SLC39A11: variants seen among roughly 807,000 people sequenced by gnomAD.
SLC39A11 encodes the protein solute carrier family 39 member 11, also known as zinc transporter ZIP11.
SLC39A11 carries 33 observed loss-of-function variants against 36.1 expected under a neutral mutation model. The ratio of observed to expected loss-of-function variants is 0.91; its 90% CI spans 0.69 to 1.22. The LOEUF (loss-of-function observed/expected upper bound fraction) is 1.22, where lower values mean the gene tolerates loss of function less well. SLC39A11 is among the 50% of genes most tolerant of loss of function. SLC39A11 has a pLI of 0.00. For synonymous variants in SLC39A11, 166 were observed against 170.3 expected, an observed-to-expected ratio of 0.97 and a Z score of 0.20; for missense variants, 432 against 430.3, an observed-to-expected ratio of 1.00 and a Z score of -0.03.
intron 7 of SLC39A11, among the ~76,000 whole-genome samples, chr17:72,657,550 G>T (rs1271117703): frequency 6.6e-6 from 1 of 152,158 alleles, no homozygotes; most frequent in African/African-American, 2.4e-5. Flanking sequence ...TAAGAGGTCA[G>T]AATTCCCTGA....
At chr17:72,843,064 C>T (rs766100262) in intron 6 of SLC39A11, among the ~76,000 whole-genome samples, 2 of 152,182 alleles carry the variant, frequency 1.3e-5, no homozygotes, top group Admixed American at 6.5e-5. Context: ...ATCCTCCTGC[C>T]TCAGCCTCCC....
chr17:72,886,316 T>C (rs766948783), intron 5 of SLC39A11, among the ~76,000 whole-genome samples: 1 of 152,230 alleles, frequency 6.6e-6, no homozygotes, highest in East Asian at 1.9e-4. Context: ...ATCTGCCTAC[T>C]TGACGTTACC....
chr17:73,003,315 A>G (rs1381683511), intron 4 of SLC39A11, among the ~76,000 whole-genome samples: 9 of 152,238 alleles, frequency 5.9e-5, no homozygotes. Context: ...TACAACAGAA[A>G]TTGAGTTGTG....
intron 4 of SLC39A11, among the ~76,000 whole-genome samples, chr17:72,984,473 A>G (rs2088568360): frequency 6.6e-6 from 1 of 152,222 alleles, no homozygotes; most frequent in Non-Finnish European, 1.5e-5. Context: ...GCCCAGGCAC[A>G]CTGAATCCAC....
intron 6 of SLC39A11, among the ~76,000 whole-genome samples, chr17:72,811,985 A>G (rs1160750019): frequency 6.6e-6 from 1 of 152,236 alleles, no homozygotes; most frequent in Non-Finnish European, 1.5e-5. Context: ...CATCCACAAT[A>G]AAAAATCCTA....
chr17:73,086,204 C>A lies in SLC39A11; in HGVS notation c.109-1358G>T, dbSNP rs150110631. Among the ~76,000 whole-genome samples, 1,164 of 152,222 alleles carry A rather than the reference C, an allele frequency of 7.6e-3. 13 individuals are homozygous for A. Among genetic ancestry groups the A allele is most frequent in the African/African-American group, 0.025 (1,052 of 41,532 alleles). ...AGCTGGTACTGTTTTGTTTCTTGAT[C>A]TGGGCTCTAGTTTCATGAGCACTTG... On this transcript the variant is annotated intron_variant, in intron 2 of 9. Coordinates refer to ENST00000255559, the MANE Select transcript of SLC39A11 (RefSeq NM_139177.4).
rs772918818 is a variant in SLC39A11 at position 72,736,746 on chromosome 17, G to A, written c.602-27C>T. 6 of 1,583,858 alleles carry A rather than the reference G, an allele frequency of 3.8e-6. No homozygotes were observed. The South Asian group carries it at 6.6e-5, about 18-fold the overall frequency. ...TGAAATAGATGTAAGAAAAGCAAGA[G>A]GGGTTAGGAATATTTCCCCATAAGG... On this transcript the variant is annotated intron_variant, in intron 6 of 9. Coordinates refer to ENST00000255559, the MANE Select transcript of SLC39A11 (RefSeq NM_139177.4).
chr17:72,887,184 C>T (rs913732147), intron 5 of SLC39A11, among the ~76,000 whole-genome samples: 1 of 152,198 alleles, frequency 6.6e-6, no homozygotes, highest in Non-Finnish European at 1.5e-5. Context: ...ACGAATCACA[C>T]ACCCATCAGA....
At chr17:73,083,503 C>G (rs554457095) in intron 3 of SLC39A11, among the ~76,000 whole-genome samples, 1 of 152,262 alleles carries the variant, frequency 6.6e-6, no homozygotes, top group East Asian at 1.9e-4. Context: ...ATATTACACG[C>G]CTTTTGATAT....
intron 5 of SLC39A11, among the ~76,000 whole-genome samples, chr17:72,946,080 G>A (rs1598525494): frequency 6.6e-6 from 1 of 152,308 alleles, no homozygotes; most frequent in African/African-American, 2.4e-5. Context: ...AAGGCCTGTG[G>A]CCTTGTGTTC....
chr17:72,798,232 C>A (rs145659371), intron 6 of SLC39A11, among the ~76,000 whole-genome samples: 1 of 152,000 alleles, frequency 6.6e-6, no homozygotes, highest in African/African-American at 2.4e-5. Context: ...GTACCACAGA[C>A]GGAGGGGCTT....
At chr17:72,800,470 C>G (rs1043804505) in intron 6 of SLC39A11, among the ~76,000 whole-genome samples, 3 of 151,982 alleles carry the variant, frequency 2.0e-5, no homozygotes, top group Non-Finnish European at 4.4e-5. Context: ...ACCACCACGC[C>G]CAGCTAATTT....
At chr17:72,749,421 T>C (rs1477847803) in intron 6 of SLC39A11, among the ~76,000 whole-genome samples, 1 of 152,182 alleles carries the variant, frequency 6.6e-6, no homozygotes, top group African/African-American at 2.4e-5. Context: ...TGTATGAAAG[T>C]GGACAGGCTT....
rs967677599 is a variant in SLC39A11, at chr17:72,794,355, G to A, written c.601+55279C>T. On this transcript the variant is annotated intron_variant, in intron 6 of 9. Transcript: ENST00000255559. ...CAGCCCCCACCAAGCCAGCGAGCGC[G>A]GTGAGGACTCACACTGACTCCACAA... Among the ~76,000 whole-genome samples, 12 of 152,190 alleles carry A rather than the reference G, an allele frequency of 7.9e-5. No homozygotes were observed. The Middle Eastern group carries it at 0.01, about 129-fold the overall frequency.
intron 6 of SLC39A11, among the ~76,000 whole-genome samples, chr17:72,770,055 C>T (rs1036739892): frequency 2.0e-5 from 3 of 152,184 alleles, no homozygotes; most frequent in African/African-American, 4.8e-5. Flanking sequence ...CCAAACTGTG[C>T]CCTGACCACC....
chr17:72,923,863 G>A (rs1238653666), intron 5 of SLC39A11, among the ~76,000 whole-genome samples: 1 of 152,020 alleles, frequency 6.6e-6, no homozygotes, highest in Non-Finnish European at 1.5e-5. Context: ...AAAAAAAATG[G>A]GCCAGACGCA....
intron 7 of SLC39A11, among the ~76,000 whole-genome samples, chr17:72,686,946 G>A (rs2071780644): frequency 6.6e-6 from 1 of 152,178 alleles, no homozygotes; most frequent in Admixed American, 6.5e-5. Flanking sequence ...AGACTCCCAA[G>A]AGGCTTCCGA....
chr17:73,085,824 G>C (rs747562912), intron 2 of SLC39A11, among the ~76,000 whole-genome samples: 7 of 152,032 alleles, frequency 4.6e-5, no homozygotes, highest in Non-Finnish European at 7.4e-5. Flanking sequence ...GCAGTGCTAA[G>C]AGCCCAAAAC....
intron 7 of SLC39A11, among the ~76,000 whole-genome samples, chr17:72,729,457 A>ATATATTTTTTTTTTTTT (rs1555650680): frequency 1.4e-4 from 1 of 7,240 alleles, no homozygotes; most frequent in African/African-American, 3.4e-4. Flanking sequence ...ATATATATAT[A>ATATATTTTTTTTTTTTT]TTTTTTTTTT....
Sources: allele counts gnomAD v4.1 joint callset (sites outside exome capture counted in the v4.1 genomes callset), GRCh38; gene constraint gnomAD v4.1.1; transcripts MANE v1.5; gene names NCBI Gene and HGNC (gene_info 2026-07-23, HGNC 2026-07-21).